LRRK2: variants seen among roughly 807,000 people sequenced by gnomAD.
LRRK2 encodes the protein leucine-rich repeat serine/threonine-protein kinase 2.
A neutral mutation model predicts 302.6 loss-of-function variants in LRRK2; 203 were observed. The observed-to-expected ratio is 0.67, with a 90% confidence interval of 0.60 to 0.75. LRRK2 has a LOEUF of 0.75. LRRK2 is among the 30% of genes least tolerant of loss of function. The pLI is 0.00. For missense variants in LRRK2, 2,830 were observed against 2,951.0 expected (o/e 0.96, Z 0.95); for synonymous variants, 1,066 against 1,031.9 (o/e 1.03, Z -0.63).
chr12:40,321,980 G>C lies in LRRK2; in HGVS notation c.5171-55G>C, dbSNP rs183390008. On this transcript the variant is annotated intron_variant, in intron 35 of 50. Transcript: ENST00000298910. Reference sequence around the variant, plus strand: ...ACAATCACTTGTGTTGTGTGCAGTAGATTTTTTCCCTTTAACTTAGGAAGC... The same window carrying C: ...ACAATCACTTGTGTTGTGTGCAGTACATTTTTTCCCTTTAACTTAGGAAGC... 232 of 1,586,256 alleles carry C rather than the reference G, an allele frequency of 1.5e-4. 1 individual carries two copies. In the African/African-American group the frequency reaches 2.6e-3, roughly 17 times the overall value.
intron 43 of LRRK2, among the ~76,000 whole-genome samples, chr12:40,349,311 A>T (rs1306334014): frequency 2.0e-5 from 3 of 152,174 alleles, no homozygotes; most frequent in Non-Finnish European, 2.9e-5. Flanking sequence ...CTGTAGCTTT[A>T]TAATGATCTC....
chr12:40,251,001 G>T (rs1205190470), intron 8 of LRRK2, among the ~76,000 whole-genome samples: 1 of 146,296 alleles, frequency 6.8e-6, no homozygotes, highest in African/African-American at 2.5e-5. Context: ...TCGTCTATTA[G>T]GTTTTTTTTT....
At chr12:40,278,403 T>C in intron 18 of LRRK2, 142 bp downstream of exon 18, 8 of 1,027,078 alleles carry the variant, frequency 7.8e-6, no homozygotes, top group Non-Finnish European at 1.2e-5. Context: ...TTGTGTCTTG[T>C]AGTAGATTTA....
chr12:40,354,230 A>T, intron 44 of LRRK2, 69 bp from the exon 45 acceptor site: 1 of 1,313,290 alleles, frequency 7.6e-7, no homozygotes, highest in Non-Finnish European at 1.1e-6. Flanking sequence ...AGAATCCTTT[A>T]TTCTGTACAA....
intron 41 of LRRK2, among the ~76,000 whole-genome samples, chr12:40,345,965 T>TATC (rs1377158017): frequency 6.6e-6 from 1 of 152,216 alleles, no homozygotes; most frequent in Non-Finnish European, 1.5e-5. Flanking sequence ...TGTCATAGCA[T>TATC]ATCATCTTAG....
chr12:40,300,929 C>G (rs1944601092), intron 25 of LRRK2: 1 of 470,860 alleles, frequency 2.1e-6, no homozygotes, highest in Admixed American at 2.4e-5. Flanking sequence ...CCAAAAGGAC[C>G]TTGAAGCTTG....
Position 40,319,974 on chromosome 12 carries a change from C to G in LRRK2, c.4828-14C>G. The G allele has an allele frequency of 6.2e-7, 1 of 1,603,998 alleles. No individual in the cohort carries two copies. The highest frequency in any genetic ancestry group is 2.2e-5 in the East Asian group (1 of 44,760). On this transcript the variant is annotated splice_polypyrimidine_tract_variant and intron_variant, in intron 33 of 50. Coordinates refer to ENST00000298910, the MANE Select transcript of LRRK2 (RefSeq NM_198578.4). ...AATAAATTTTAGTGATTATTTATGA[C>G]TCGAATCTTTCAGATTTTGACAGTG...
chr12:40,312,571 C>T (rs961387251), intron 31 of LRRK2: 2 of 152,094 alleles, frequency 1.3e-5, no homozygotes, highest in South Asian at 4.1e-4. Flanking sequence ...ACCTTATTAA[C>T]AGGTGTCTGT....
In LRRK2 at chr12:40,287,555, A is replaced by C; in HGVS notation, c.2689+16A>C. ...GATAGTGAAGGTATTTATTATAAAA[A>C]AAAACCCTTTATGCTTTATATTTAC... On this transcript the variant is annotated intron_variant, in intron 20 of 50. Coordinates refer to ENST00000298910, the MANE Select transcript of LRRK2 (RefSeq NM_198578.4). The C allele has an allele frequency of 6.2e-7, 1 of 1,610,486 alleles. No homozygotes were observed. The highest frequency in any genetic ancestry group is 8.5e-7 in the Non-Finnish European group (1 of 1,177,584).
chr12:40,232,527 A>T, intron 3 of LRRK2, 144 bp downstream of exon 3: 1 of 682,680 alleles, frequency 1.5e-6, no homozygotes. Flanking sequence ...TGAGTCAATG[A>T]TTTACATTTA....
At chr12:40,228,433 C>CTTTTTTT (rs35333613) in intron 2 of LRRK2, among the ~76,000 whole-genome samples, 4 of 19,300 alleles carry the variant, frequency 2.1e-4, no homozygotes, top group African/African-American at 5.0e-4. Context: ...AAAAATAAGA[C>CTTTTTTT]TTTTTTTTTT....
chr12:40,315,203 T>C lies in LRRK2; in HGVS notation c.4739-9T>C. 6.2e-7 allele frequency: 1 copy of C among 1,608,688 alleles called. No homozygotes were observed. Among genetic ancestry groups the C allele is most frequent in the South Asian group, 1.1e-5 (1 of 91,004 alleles). ...CCATGTTTCACTGTTTGATGACTTT[T>C]TACTACAGGAGTCCTTCTTCATTTT... On this transcript the variant is annotated splice_polypyrimidine_tract_variant and intron_variant, in intron 32 of 50. Coordinates refer to ENST00000298910, the MANE Select transcript of LRRK2 (RefSeq NM_198578.4).
intron 11 of LRRK2, among the ~76,000 whole-genome samples, chr12:40,253,686 A>AT (rs577590079): frequency 6.4e-4 from 98 of 152,246 alleles, no homozygotes; most frequent in African/African-American, 2.2e-3. Flanking sequence ...CCAAATTATA[A>AT]TTTTTAATAG....
intron 40 of LRRK2, among the ~76,000 whole-genome samples, chr12:40,336,222 C>G (rs1945864886): frequency 6.6e-6 from 1 of 152,142 alleles, no homozygotes; most frequent in African/African-American, 2.4e-5. Flanking sequence ...TGATTTCACT[C>G]AGGAATGTCT....
chr12:40,354,620 A>G (rs930688457), intron 45 of LRRK2, 128 bp downstream of exon 45: 1 of 856,562 alleles, frequency 1.2e-6, no homozygotes, highest in African/African-American at 1.7e-5. Context: ...TGCATATATT[A>G]AAGGGAATTG....
intron 11 of LRRK2, among the ~76,000 whole-genome samples, chr12:40,254,807 C>T (rs1310366045): frequency 6.6e-6 from 1 of 152,116 alleles, no homozygotes; most frequent in Non-Finnish European, 1.5e-5. Context: ...TGTTCCTGAT[C>T]ACCTGTCAAG....
chr12:40,243,558 G>A lies in LRRK2; in HGVS notation c.715G>A (p.Val239Met). ...LHSLAIPCNN[V>M]EVLMSGNVRC... ...GATCTCTTTAAATTCAGGCAATAAT[G>A]TGGAAGTCCTCATGAGTGGCAATGT... The change falls in exon 7 of 51, where the codon GTG becomes ATG. Residue 239 changes from valine to methionine, a missense_variant. Val to Met is a conservative substitution (Grantham distance 21, BLOSUM62 1). Coordinates refer to ENST00000298910, the MANE Select transcript of LRRK2 (RefSeq NM_198578.4). 1.2e-6 allele frequency: 2 copies of A among 1,611,350 alleles called. No homozygotes were observed. The highest frequency in any genetic ancestry group is 1.7e-6 in the Non-Finnish European group (2 of 1,178,142).
intron 39 of LRRK2, among the ~76,000 whole-genome samples, chr12:40,334,686 T>C (rs1565759920): frequency 1.3e-5 from 2 of 152,184 alleles, no homozygotes; most frequent in Non-Finnish European, 1.5e-5. Context: ...GAGGAAAGGT[T>C]GGTCTTGCTG....
chr12:40,328,563 T>G, intron 39 of LRRK2, 103 bp downstream of exon 39: 6 of 852,262 alleles, frequency 7.0e-6, no homozygotes, highest in Admixed American at 2.5e-5. Flanking sequence ...TGACCACATT[T>G]CTACTTAAGT....
Sources: gnomAD v4.1 joint callset for allele counts (sites outside exome capture counted in the v4.1 genomes callset) on GRCh38, gnomAD v4.1.1 for gene constraint, MANE v1.5 for transcripts, NCBI Gene and HGNC (gene_info 2026-07-23, HGNC 2026-07-21) for gene names.